IL1RN: variants seen among roughly 807,000 people sequenced by gnomAD.
IL1RN encodes interleukin-1 receptor antagonist protein.
A neutral mutation model predicts 13.7 loss-of-function variants in IL1RN; 10 were observed. The ratio of observed to expected loss-of-function variants is 0.73; its 90% CI spans 0.45 to 1.24. IL1RN has a LOEUF of 1.24. Among genes scored for constraint, IL1RN ranks in the 50% most tolerant of loss-of-function variants. The probability of loss-of-function intolerance (pLI) is 0.00; values close to 1 mark genes in which losing one functional copy is unlikely to be tolerated. For missense variants in IL1RN, 213 were observed against 222.1 expected (o/e 0.96, Z 0.26); for synonymous variants, 102 against 82.7 (o/e 1.23, Z -1.27).
chr2:113,119,068 A>C (rs543029650), intron 1 of IL1RN, among the ~76,000 whole-genome samples: 28 of 152,300 alleles, frequency 1.8e-4, no homozygotes, highest in African/African-American at 5.8e-4. Context: ...AAATAAAATG[A>C]AATAAAATAG....
chr2:113,121,990 C>T (rs1183276766), intron 2 of IL1RN, among the ~76,000 whole-genome samples: 2 of 152,172 alleles, frequency 1.3e-5, no homozygotes, highest in Non-Finnish European at 2.9e-5. Context: ...GAAAGAGCAA[C>T]TGGAGTCTTT....
chr2:113,131,964 T>G (rs4252040), intron 3 of IL1RN, among the ~76,000 whole-genome samples: 4 of 152,116 alleles, frequency 2.6e-5, no homozygotes, highest in Admixed American at 6.5e-5. Flanking sequence ...GCTAGGACAT[T>G]GCATGGAACA....
chr2:113,119,446 G>A (rs2592346), intron 1 of IL1RN, among the ~76,000 whole-genome samples: 80,961 of 152,072 alleles, frequency 0.53, 21,970 homozygotes, highest in Middle Eastern at 0.6. Context: ...TATGCTATGG[G>A]GGCACAGAGA....
At chr2:113,104,507 G>C (rs1022044475), upstream of IL1RN, among the ~76,000 whole-genome samples, 3 of 152,098 alleles carry the variant, frequency 2.0e-5, no homozygotes, top group African/African-American at 7.2e-5. Flanking sequence ...GTATGCAAAG[G>C]GATTTCCGCA....
At chr2:113,129,410 C>T (rs1048770261) in intron 1 of IL1RN, among the ~76,000 whole-genome samples, 166 bp from the exon 2 acceptor site, 1 of 152,174 alleles carries the variant, frequency 6.6e-6, no homozygotes, top group African/African-American at 2.4e-5. Context: ...TAACCATTGT[C>T]AGCCTCAGTC....
upstream of IL1RN, among the ~76,000 whole-genome samples, chr2:113,123,076 G>T (rs1031335569): frequency 6.6e-6 from 1 of 152,150 alleles, no homozygotes; most frequent in Admixed American, 6.5e-5. Flanking sequence ...GGTGAGCCTA[G>T]ATTGCTCCAC....
chr2:113,116,765 A>G (rs1313143052), upstream of IL1RN, among the ~76,000 whole-genome samples: 1 of 152,186 alleles, frequency 6.6e-6, no homozygotes, highest in East Asian at 1.9e-4. Context: ...TCTATTTCAT[A>G]TGTGTATGAA....
chr2:113,119,511 G>A (rs760832515), intron 1 of IL1RN, among the ~76,000 whole-genome samples: 6 of 152,190 alleles, frequency 3.9e-5, no homozygotes, highest in Admixed American at 2.6e-4. Context: ...CAGTTATTCC[G>A]GGGGCAGCAG....
Position 113,132,771 on chromosome 2 carries a change from T to G in IL1RN, c.434T>G (p.Phe145Cys). ...GAGTCTGCCGCCTGCCCCGGTTGGT[T>G]CCTCTGCACAGCGATGGAAGCTGAC... ...SFESAACPGW[F>C]LCTAMEADQP... Residue 145 changes from phenylalanine to cysteine, a missense_variant, in exon 4 of 4, where the codon TTC becomes TGC. By Grantham distance (205) the Phe-to-Cys change is radical (BLOSUM62 -2). Transcript: ENST00000409930. 1.2e-6 allele frequency: 2 copies of G among 1,614,238 alleles called. No individual in the cohort carries two copies. The highest frequency in any genetic ancestry group is 1.7e-6 in the Non-Finnish European group (2 of 1,180,042).
chr2:113,121,021 C>T (rs146250671), intron 2 of IL1RN, among the ~76,000 whole-genome samples: 27 of 138,580 alleles, frequency 1.9e-4, no homozygotes, highest in African/African-American at 6.2e-4. Context: ...CCTCCTTCTC[C>T]TCTTCTTCTT....
At chr2:113,116,989 G>A (rs1017533208), upstream of IL1RN, among the ~76,000 whole-genome samples, 3 of 152,202 alleles carry the variant, frequency 2.0e-5, no homozygotes, top group African/African-American at 2.4e-5. Flanking sequence ...GACTAGACCC[G>A]GGACTTCGTC....
In IL1RN at chr2:113,132,761, C is replaced by A. The variant is rs888699877; in HGVS notation, c.424C>A (p.Pro142Thr). 1.9e-6 allele frequency: 3 copies of A among 1,614,244 alleles called. No individual in the cohort carries two copies. The African/African-American group carries it at 4.0e-5, about 22-fold the overall frequency. The change falls in exon 4 of 4, where the codon CCC becomes ACC. Residue 142 changes from proline (P) to threonine (T), a missense_variant. Pro to Thr is a conservative substitution (Grantham distance 38). Transcript: ENST00000409930. ...CACCAGTTTTGAGTCTGCCGCCTGC[C>A]CCGGTTGGTTCCTCTGCACAGCGAT... is the stretch of plus-strand genomic sequence containing the variant. ...PTTSFESAAC[P>T]GWFLCTAMEA...
At chr2:113,103,552 A>G (rs1245813093), upstream of IL1RN, among the ~76,000 whole-genome samples, 1 of 152,220 alleles carries the variant, frequency 6.6e-6, no homozygotes, top group East Asian at 1.9e-4. Flanking sequence ...ATTCTCCCCC[A>G]GAGTCCAGAA....
At chr2:113,132,297 C>T (rs1330017577) in intron 3 of IL1RN, among the ~76,000 whole-genome samples, 2 of 152,082 alleles carry the variant, frequency 1.3e-5, no homozygotes, top group East Asian at 3.9e-4. Flanking sequence ...AAATAGAAAA[C>T]ATTAGACAGG....
chr2:113,127,073 A>T (rs1311082496), upstream of IL1RN, among the ~76,000 whole-genome samples: 1 of 152,220 alleles, frequency 6.6e-6, no homozygotes, highest in African/African-American at 2.4e-5. Context: ...TGTGAAACAG[A>T]CAGCTGAGCT....
chr2:113,109,884 T>G (rs1426940151), upstream of IL1RN, among the ~76,000 whole-genome samples: 1 of 152,154 alleles, frequency 6.6e-6, no homozygotes, highest in Admixed American at 6.5e-5. Context: ...CAAGGTGCTG[T>G]CTTCATCCCC....
At chr2:113,101,125 G>A in the IL1RN span, among the ~76,000 whole-genome samples, 5 of 152,324 alleles carry the variant, frequency 3.3e-5, no homozygotes, top group East Asian at 1.9e-4. Flanking sequence ...GTGGAAAGGC[G>A]AAATGTCAGA....
At chr2:113,123,363 A>G (rs1686846008), upstream of IL1RN, among the ~76,000 whole-genome samples, 1 of 152,170 alleles carries the variant, frequency 6.6e-6, no homozygotes, top group Admixed American at 6.5e-5. Context: ...CAAAAACTTC[A>G]GCTGAGTTTT....
chr2:113,128,442 T>C (rs1173790609), intron 1 of IL1RN, among the ~76,000 whole-genome samples: 1 of 152,078 alleles, frequency 6.6e-6, no homozygotes, highest in East Asian at 1.9e-4. Context: ...ACTCTGACCT[T>C]TATGTTTGTC....
Sources: allele counts gnomAD v4.1 joint callset (sites outside exome capture counted in the v4.1 genomes callset), GRCh38; gene constraint gnomAD v4.1.1; transcripts MANE v1.5; gene names NCBI Gene and HGNC (gene_info 2026-07-23, HGNC 2026-07-21).